Variants in NTM observed in about 807,000 individuals in gnomAD.
The protein encoded by NTM is neurotrimin, also known as IgLON family member 2.
In NTM, 13 loss-of-function variants were observed where a neutral mutation model predicts 42.1. The observed-to-expected ratio is 0.31, with a 90% CI of 0.20 to 0.49. NTM has a LOEUF of 0.49. Among genes scored for constraint, NTM ranks in the 20% least tolerant of loss-of-function variants. The probability of loss-of-function intolerance (pLI) is 0.99; values close to 1 mark genes in which losing one functional copy is unlikely to be tolerated. For synonymous variants in NTM, 187 were observed against 179.2 expected (o/e 1.04, Z -0.35); for missense variants, 373 against 452.8 (o/e 0.82, Z 1.60).
chr11:132,330,057 A>G (rs1565497572), intron 7 of NTM, 96 bp from the exon 8 acceptor site: 13 of 1,528,730 alleles, frequency 8.5e-6, no homozygotes, highest in Non-Finnish European at 7.9e-6. Context: ...CTGCTGCGCC[A>G]GGAGCGCCAG....
At chr11:131,530,175 T>G (rs1254720355) in intron 1 of NTM, among the ~76,000 whole-genome samples, 2 of 152,220 alleles carry the variant, frequency 1.3e-5, no homozygotes, top group Non-Finnish European at 2.9e-5. Flanking sequence ...CCCCTTCATC[T>G]GAGACCCTCT....
At chr11:132,147,849 G>A (rs1020919258) in intron 3 of NTM, among the ~76,000 whole-genome samples, 13 of 152,170 alleles carry the variant, frequency 8.5e-5, no homozygotes, top group African/African-American at 3.1e-4. Flanking sequence ...AGGAAGGAAG[G>A]CAGCTTGAGA....
At chr11:132,250,570 A>C (rs1271912760) in intron 4 of NTM, among the ~76,000 whole-genome samples, 1 of 147,794 alleles carries the variant, frequency 6.8e-6, no homozygotes, top group African/African-American at 2.5e-5. Context: ...GGCATTCTTC[A>C]TCTCTTTGTC....
At chr11:131,555,419 G>T (rs917672487) in intron 1 of NTM, among the ~76,000 whole-genome samples, 8 of 152,128 alleles carry the variant, frequency 5.3e-5, no homozygotes, top group African/African-American at 1.9e-4. Flanking sequence ...TTTCAAAGGT[G>T]AAAATCATGG....
chr11:131,932,693 G>A (rs1378674041), intron 2 of NTM, among the ~76,000 whole-genome samples: 1 of 152,202 alleles, frequency 6.6e-6, no homozygotes, highest in African/African-American at 2.4e-5. Flanking sequence ...ACCTTAATGA[G>A]CAGGCGTTGG....
chr11:131,631,292 T>C (rs1411392105), intron 1 of NTM, among the ~76,000 whole-genome samples: 1 of 152,204 alleles, frequency 6.6e-6, no homozygotes, highest in Non-Finnish European at 1.5e-5. Context: ...TGTGTATGTA[T>C]CTCAGGCAGA....
intron 1 of NTM, among the ~76,000 whole-genome samples, chr11:131,823,542 G>C (rs1352336699): frequency 6.6e-6 from 1 of 151,984 alleles, no homozygotes; most frequent in Non-Finnish European, 1.5e-5. Flanking sequence ...TCTGGCTTTT[G>C]TTCTCTGTTA....
intron 1 of NTM, among the ~76,000 whole-genome samples, chr11:131,900,669 A>AGAG (rs2053020012): frequency 1.3e-5 from 2 of 150,624 alleles, no homozygotes; most frequent in African/African-American, 4.9e-5. Flanking sequence ...GAGAGAGAGA[A>AGAG]AGAGAGAGAG....
At chr11:131,992,003 G>A (rs535716874) in intron 2 of NTM, among the ~76,000 whole-genome samples, 59 of 152,180 alleles carry the variant, frequency 3.9e-4, no homozygotes, top group African/African-American at 1.4e-3. Context: ...ATCTAACTTG[G>A]GAAAGAAAGG....
chr11:132,086,943 G>A (rs373208266), intron 2 of NTM, among the ~76,000 whole-genome samples: 1 of 152,136 alleles, frequency 6.6e-6, no homozygotes, highest in Non-Finnish European at 1.5e-5. Context: ...GTAAAGAGGG[G>A]ACAGAGGAGT....
chr11:132,334,533 C>T (rs2136508868), intron 8 of NTM, among the ~76,000 whole-genome samples: 1 of 152,336 alleles, frequency 6.6e-6, no homozygotes, highest in East Asian at 1.9e-4. Context: ...GCAGGATGGC[C>T]TCTGTGCCCA....
intron 1 of NTM, among the ~76,000 whole-genome samples, chr11:131,771,992 T>C (rs931059889): frequency 6.6e-6 from 1 of 152,184 alleles, no homozygotes; most frequent in African/African-American, 2.4e-5. Flanking sequence ...TATTTTTCAT[T>C]ATTCCTCCCA....
chr11:131,388,018 C>T (rs1315794253), intron 1 of NTM, among the ~76,000 whole-genome samples: 1 of 152,126 alleles, frequency 6.6e-6, no homozygotes, highest in Non-Finnish European at 1.5e-5. Context: ...GTCAAGAAGC[C>T]CTTCAGGATA....
intron 1 of NTM, among the ~76,000 whole-genome samples, chr11:131,676,523 G>A (rs1219800549): frequency 6.6e-6 from 1 of 152,144 alleles, no homozygotes; most frequent in African/African-American, 2.4e-5. Context: ...CTGTGAACCT[G>A]CATATGCACA....
chr11:131,816,229 C>T (rs1324730664), intron 1 of NTM, among the ~76,000 whole-genome samples: 1 of 152,130 alleles, frequency 6.6e-6, no homozygotes, highest in Non-Finnish European at 1.5e-5. Context: ...GGCTCAGTCA[C>T]TCATCATGAA....
chr11:131,818,054 A>G (rs1007668867), intron 1 of NTM, among the ~76,000 whole-genome samples: 1 of 152,180 alleles, frequency 6.6e-6, no homozygotes, highest in African/African-American at 2.4e-5. Context: ...CACTTGACAC[A>G]CATCAGCGGC....
intron 4 of NTM, among the ~76,000 whole-genome samples, chr11:132,217,865 C>T (rs1473335124): frequency 1.3e-5 from 2 of 152,100 alleles, no homozygotes; most frequent in Admixed American, 1.3e-4. Flanking sequence ...TCCCCCTCCC[C>T]TTCCCCAATA....
intron 1 of NTM, among the ~76,000 whole-genome samples, chr11:131,552,243 G>A (rs1490906802): frequency 6.6e-6 from 1 of 152,174 alleles, no homozygotes; most frequent in African/African-American, 2.4e-5. Context: ...TGTTGATAAC[G>A]ACGTCATGTC....
chr11:132,165,404 T>G (rs2075115882), intron 3 of NTM, among the ~76,000 whole-genome samples: 2 of 152,210 alleles, frequency 1.3e-5, no homozygotes, highest in South Asian at 4.1e-4. Context: ...GTCATGGCCT[T>G]GCTTCAGCCA....
Sources: gnomAD v4.1 joint callset for allele counts (sites outside exome capture counted in the v4.1 genomes callset) on GRCh38, gnomAD v4.1.1 for gene constraint, MANE v1.5 for transcripts, NCBI Gene and HGNC (gene_info 2026-07-23, HGNC 2026-07-21) for gene names.